Variants in TLE1 observed in about 807,000 individuals in gnomAD.
The protein encoded by TLE1 is transducin-like enhancer protein 1.
A neutral mutation model predicts 89.8 loss-of-function variants in TLE1; 21 were observed. The ratio of observed to expected loss-of-function variants is 0.23; its 90% CI spans 0.17 to 0.34. The LOEUF (loss-of-function observed/expected upper bound fraction) is 0.34. TLE1 is among the 10% of genes least tolerant of loss of function. The pLI is 1.00. For synonymous variants in TLE1, 447 were observed against 407.6 expected (o/e 1.10, Z -1.16); for missense variants, 795 against 1,031.2 (o/e 0.77, Z 3.14).
intron 8 of TLE1, among the ~76,000 whole-genome samples, chr9:81,623,683 A>C (rs1325399047): frequency 6.6e-6 from 1 of 151,510 alleles, no homozygotes; most frequent in African/African-American, 2.4e-5. Flanking sequence ...CCAGCTACTC[A>C]GGAGGCTGCA....
intron 6 of TLE1, among the ~76,000 whole-genome samples, chr9:81,638,778 C>A (rs1158347356): frequency 6.6e-6 from 1 of 152,104 alleles, no homozygotes; most frequent in African/African-American, 2.4e-5. Context: ...GTGCACACCA[C>A]CACGCCCAGC....
intron 4 of TLE1, among the ~76,000 whole-genome samples, chr9:81,659,867 T>C (rs1830557487): frequency 6.6e-6 from 1 of 152,138 alleles, no homozygotes; most frequent in African/African-American, 2.4e-5. Context: ...ATGTAAGGTA[T>C]ACTATTCCAA....
At chr9:81,668,168 GAA>G (rs35867645) in intron 4 of TLE1, among the ~76,000 whole-genome samples, 52 of 146,448 alleles carry the variant, frequency 3.6e-4, no homozygotes, top group Admixed American at 4.1e-4. Context: ...ACTGCATCTC[GAA>G]AAAAAAAAAA....
intron 4 of TLE1, among the ~76,000 whole-genome samples, chr9:81,669,129 T>G (rs995731715): frequency 6.6e-6 from 1 of 152,240 alleles, no homozygotes; most frequent in Non-Finnish European, 1.5e-5. Context: ...CAGAAAAGAC[T>G]TCCTGCCATT....
chr9:81,655,930 T>C (rs1370445402), intron 4 of TLE1, among the ~76,000 whole-genome samples: 1 of 152,006 alleles, frequency 6.6e-6, no homozygotes, highest in African/African-American at 2.4e-5. Context: ...ACAGCAGCCT[T>C]GTATCTTCTA....
At position 81,683,651 on chromosome 9, in the gene TLE1, G is replaced by GTC. The variant is rs577936142; in HGVS notation, c.234+2024_234+2025insGA. ...TAGCACTACTTTGCACAGCACTCTA[G>GTC]TTAAGGGTCTGTCAGCATTTCCAAT... On this transcript the variant is annotated intron_variant, in intron 4 of 19. Transcript: ENST00000376499. 7.2e-4 allele frequency among the ~76,000 whole-genome samples: 110 copies of GTC among 152,288 alleles called. 1 individual carries two copies. The highest frequency in any genetic ancestry group is 2.6e-3 in the African/African-American group (109 of 41,552).
intron 4 of TLE1, among the ~76,000 whole-genome samples, chr9:81,679,298 TCTTCA>T (rs1235507230): frequency 8.3e-6 from 1 of 120,506 alleles, no homozygotes; most frequent in Non-Finnish European, 1.7e-5. Flanking sequence ...TAAAAATTTT[TCTTCA>T]CTTTTTTTTC....
intron 4 of TLE1, among the ~76,000 whole-genome samples, chr9:81,663,253 C>T (rs1006252246): frequency 6.6e-6 from 1 of 152,138 alleles, no homozygotes. Flanking sequence ...GCTGGCAAAC[C>T]TGGAACTATT....
chr9:81,669,612 TC>T (rs144895816), intron 4 of TLE1, among the ~76,000 whole-genome samples: 12,505 of 147,408 alleles, frequency 0.085, 713 homozygotes, highest in Non-Finnish European at 0.12. Flanking sequence ...ACCTCCACCC[TC>T]CCCCCCCACA....
At chr9:81,675,317 A>AT (rs1360665484) in intron 4 of TLE1, among the ~76,000 whole-genome samples, 2 of 145,334 alleles carry the variant, frequency 1.4e-5, no homozygotes, top group African/African-American at 5.3e-5. Flanking sequence ...GGAAGACACT[A>AT]TGTAAAGACT....
At chr9:81,644,706 G>A (rs923824362) in intron 6 of TLE1, among the ~76,000 whole-genome samples, 10 of 152,144 alleles carry the variant, frequency 6.6e-5, no homozygotes, top group Non-Finnish European at 1.2e-4. Context: ...TAAAAAAGAC[G>A]AATTTGGCCA....
chr9:81,687,959 G>A (rs994351972), intron 1 of TLE1, among the ~76,000 whole-genome samples: 15 of 152,126 alleles, frequency 9.9e-5, no homozygotes, highest in Admixed American at 4.6e-4. Context: ...GGCTGCAGGA[G>A]AGAAACCCCA....
intron 4 of TLE1, among the ~76,000 whole-genome samples, chr9:81,680,295 T>A (rs1335974896): frequency 6.6e-6 from 1 of 151,952 alleles, no homozygotes; most frequent in African/African-American, 2.4e-5. Context: ...TCATGGCCAC[T>A]CCCCACAGGA....
intron 12 of TLE1, among the ~76,000 whole-genome samples, 171 bp from the exon 13 acceptor site, chr9:81,612,130 C>G (rs1823797001): frequency 6.6e-6 from 1 of 152,100 alleles, no homozygotes; most frequent in African/African-American, 2.4e-5. Flanking sequence ...CCCTCCTTCC[C>G]CAGAGCGAAT....
intron 16 of TLE1, 117 bp from the exon 17 acceptor site, chr9:81,587,945 T>TGTGTGTGTGTGTGTGTGTGA (rs970198868): frequency 5.0e-6 from 6 of 1,192,876 alleles, no homozygotes; most frequent in Admixed American, 2.5e-5. Flanking sequence ...TGTGTGTGTG[T>TGTGTGTGTGTGTGTGTGTGA]GATCCCGCCA....
chr9:81,633,215 G>T, intron 8 of TLE1, 133 bp downstream of exon 8: 1 of 1,429,702 alleles, frequency 7.0e-7, no homozygotes. Flanking sequence ...AAAAAAGCCA[G>T]GTCACTGAGA....
chr9:81,586,516 T>A (rs1194212163), intron 17 of TLE1, among the ~76,000 whole-genome samples: 2 of 152,238 alleles, frequency 1.3e-5, no homozygotes, highest in African/African-American at 4.8e-5. Context: ...TATAGTATTA[T>A]AATCTTAAGG....
chr9:81,684,811 CG>C (rs1234592796), intron 4 of TLE1, among the ~76,000 whole-genome samples: 1 of 151,840 alleles, frequency 6.6e-6, no homozygotes, highest in Non-Finnish European at 1.5e-5. Flanking sequence ...TGAATGTCAG[CG>C]TATCTCCAGA....
At chr9:81,685,348 G>C (rs1201684164) in intron 4 of TLE1, among the ~76,000 whole-genome samples, 1 of 151,978 alleles carries the variant, frequency 6.6e-6, no homozygotes, top group Non-Finnish European at 1.5e-5. Context: ...CTAAACTTCA[G>C]CAACTGTAGA....
Sources: allele counts gnomAD v4.1 joint callset (sites outside exome capture counted in the v4.1 genomes callset), GRCh38; gene constraint gnomAD v4.1.1; transcripts MANE v1.5; gene names NCBI Gene and HGNC (gene_info 2026-07-23, HGNC 2026-07-21).